LSAMP: variants seen among roughly 807,000 people sequenced by gnomAD.
LSAMP encodes limbic system associated membrane protein, also known as limbic system-associated membrane protein.
Under a neutral mutation model 38.6 loss-of-function variants are expected in LSAMP, and 7 were observed. That is an observed-to-expected ratio of 0.18 (90% CI 0.10 to 0.34). The LOEUF (loss-of-function observed/expected upper bound fraction) is 0.34, where lower values mean the gene tolerates loss of function less well. LSAMP is among the 10% of genes least tolerant of loss of function. The pLI, the probability that LSAMP is intolerant of heterozygous loss-of-function variation, is 1.00. For missense variants in LSAMP, 313 were observed against 420.0 expected (o/e 0.75, Z 2.23); for synonymous variants, 154 against 166.8 (o/e 0.92, Z 0.59).
chr3:116,092,468 A>G (rs1274806470), intron 1 of LSAMP, among the ~76,000 whole-genome samples: 4 of 152,134 alleles, frequency 2.6e-5, no homozygotes, highest in African/African-American at 4.8e-5. Flanking sequence ...TGAACCCTCA[A>G]ATATTAGATG....
intron 2 of LSAMP, among the ~76,000 whole-genome samples, chr3:116,038,747 A>G (rs191459359): frequency 4.5e-4 from 68 of 152,332 alleles, no homozygotes; most frequent in Admixed American, 1.8e-3. Flanking sequence ...TGCAAGTCAG[A>G]AAGACCACGA....
chr3:116,060,447 C>A (rs944502326), intron 2 of LSAMP, among the ~76,000 whole-genome samples: 3 of 152,144 alleles, frequency 2.0e-5, no homozygotes, highest in African/African-American at 7.2e-5. Flanking sequence ...AACACACACA[C>A]ACACACACAT....
intron 2 of LSAMP, among the ~76,000 whole-genome samples, chr3:116,040,817 CT>C (rs1941154858): frequency 1.3e-5 from 2 of 152,110 alleles, no homozygotes; most frequent in African/African-American, 4.8e-5. Flanking sequence ...TGGCTCATGC[CT>C]GCTGCAGCCT....
intron 1 of LSAMP, among the ~76,000 whole-genome samples, chr3:116,174,205 A>G (rs1442829849): frequency 2.0e-5 from 3 of 151,988 alleles, no homozygotes; most frequent in African/African-American, 4.8e-5. Context: ...CCAAGACAAC[A>G]ATAACAACCA....
chr3:116,116,356 G>T (rs1344646776), intron 1 of LSAMP, among the ~76,000 whole-genome samples: 1 of 151,310 alleles, frequency 6.6e-6, no homozygotes, highest in African/African-American at 2.4e-5. Flanking sequence ...CATGTTAGAG[G>T]CATTCCTTAG....
chr3:115,897,844 C>T (rs1045184126), intron 3 of LSAMP, among the ~76,000 whole-genome samples: 2 of 152,130 alleles, frequency 1.3e-5, no homozygotes, highest in African/African-American at 2.4e-5. Flanking sequence ...TTTCCCACCT[C>T]CAATTTCCTA....
intron 2 of LSAMP, among the ~76,000 whole-genome samples, chr3:116,072,521 TA>T (rs1017766994): frequency 6.6e-6 from 1 of 152,202 alleles, no homozygotes; most frequent in African/African-American, 2.4e-5. Context: ...CCCAACAGTG[TA>T]AAAGTTTTCC....
intron 1 of LSAMP, among the ~76,000 whole-genome samples, chr3:116,247,973 A>T (rs182312447): frequency 6.6e-6 from 1 of 152,304 alleles, no homozygotes; most frequent in East Asian, 1.9e-4. Flanking sequence ...CATTGAAATC[A>T]TGGGAGAAAA....
At chr3:116,435,318 C>T (rs1457291763) in intron 1 of LSAMP, among the ~76,000 whole-genome samples, 1 of 152,162 alleles carries the variant, frequency 6.6e-6, no homozygotes, top group African/African-American at 2.4e-5. Context: ...CAAGTCAGCT[C>T]TTGTCCCAAG....
At chr3:116,112,508 G>T (rs1331567692) in intron 1 of LSAMP, among the ~76,000 whole-genome samples, 2 of 152,164 alleles carry the variant, frequency 1.3e-5, no homozygotes, top group Non-Finnish European at 2.9e-5. Flanking sequence ...ATCTGAAAAA[G>T]AATCATTCAT....
At chr3:116,298,095 T>G (rs1027258074) in intron 1 of LSAMP, among the ~76,000 whole-genome samples, 1 of 152,228 alleles carries the variant, frequency 6.6e-6, no homozygotes, top group African/African-American at 2.4e-5. Flanking sequence ...ATCATTCATC[T>G]AGGTGTCTGT....
intron 3 of LSAMP, among the ~76,000 whole-genome samples, chr3:115,934,128 C>G (rs899625974): frequency 5.3e-5 from 8 of 151,796 alleles, no homozygotes; most frequent in Admixed American, 4.6e-4. Flanking sequence ...CAAATGGTTT[C>G]TCAAATGTAT....
intron 1 of LSAMP, among the ~76,000 whole-genome samples, chr3:116,223,712 T>A (rs1038236570): frequency 6.6e-6 from 1 of 152,198 alleles, no homozygotes; most frequent in Admixed American, 6.5e-5. Context: ...CTATAGTACA[T>A]TTGTTTAATG....
intron 1 of LSAMP, among the ~76,000 whole-genome samples, chr3:116,415,575 A>T (rs1400528112): frequency 6.6e-6 from 1 of 152,094 alleles, no homozygotes; most frequent in African/African-American, 2.4e-5. Flanking sequence ...AATTACCCAG[A>T]TCATCTTGGT....
At chr3:115,850,802 G>C (rs1394682798) in intron 4 of LSAMP, among the ~76,000 whole-genome samples, 1 of 152,176 alleles carries the variant, frequency 6.6e-6, no homozygotes, top group African/African-American at 2.4e-5. Context: ...TGCAAGGCTG[G>C]AGAAGGTCAC....
At chr3:116,102,197 G>T (rs965364270) in intron 1 of LSAMP, among the ~76,000 whole-genome samples, 1 of 152,096 alleles carries the variant, frequency 6.6e-6, no homozygotes, top group Admixed American at 6.6e-5. Flanking sequence ...TAAAATTTAG[G>T]CAGTCCAGAT....
chr3:116,416,271 C>T (rs2049049134), intron 1 of LSAMP, among the ~76,000 whole-genome samples: 1 of 152,132 alleles, frequency 6.6e-6, no homozygotes, highest in African/African-American at 2.4e-5. Flanking sequence ...TGGTGGACAC[C>T]TACACATGTT....
At chr3:116,055,544 G>A (rs2107739374) in intron 2 of LSAMP, among the ~76,000 whole-genome samples, 1 of 151,512 alleles carries the variant, frequency 6.6e-6, no homozygotes, top group South Asian at 2.1e-4. Context: ...GGAAGACACT[G>A]CCCTGCCTCA....
chr3:116,423,963 T>A, intron 1 of LSAMP, among the ~76,000 whole-genome samples: 2 of 150,918 alleles, frequency 1.3e-5, no homozygotes, highest in African/African-American at 2.4e-5. Context: ...TGAACCAGAG[T>A]CTAAAACCAG....
Sources: allele counts gnomAD v4.1 joint callset (sites outside exome capture counted in the v4.1 genomes callset), GRCh38; gene constraint gnomAD v4.1.1; transcripts MANE v1.5; gene names NCBI Gene and HGNC (gene_info 2026-07-23, HGNC 2026-07-21).